IL23R: variants seen among roughly 807,000 people sequenced by gnomAD.
The protein encoded by IL23R is interleukin 23 receptor, also known as interleukin-23 receptor.
IL23R carries 34 observed loss-of-function variants against 56.9 expected under a neutral mutation model. The observed-to-expected ratio is 0.60, with a 90% CI of 0.45 to 0.80. The LOEUF (loss-of-function observed/expected upper bound fraction) is 0.80. Among genes scored for constraint, IL23R ranks in the 30% least tolerant of loss-of-function variants. The pLI, the probability that IL23R is intolerant of heterozygous loss-of-function variation, is 0.00. For missense variants in IL23R, 635 were observed against 730.0 expected, an observed-to-expected ratio of 0.87 and a Z score of 1.50; for synonymous variants, 230 against 249.2, an observed-to-expected ratio of 0.92 and a Z score of 0.73.
chr1:67,241,272 A>G (rs1473228178), intron 9 of IL23R, among the ~76,000 whole-genome samples: 3 of 152,226 alleles, frequency 2.0e-5, no homozygotes, highest in Non-Finnish European at 4.4e-5. Context: ...GTAAGGTGGC[A>G]ACAAGGACTG....
rs1306650296 is a variant in IL23R, at chr1:67,169,478, T to C, written c.207T>C (p.Asn69=). 1 of 1,614,068 alleles carries C rather than the reference T, an allele frequency of 6.2e-7. No homozygotes were observed. The highest frequency in any genetic ancestry group is 1.7e-5 in the Admixed American group (1 of 60,020). The change falls in exon 3 of 11, where the codon AAT becomes AAC. Residue 69 remains asparagine, a synonymous_variant. Transcript: ENST00000347310. ...CAAGGAAACTTCATTTTTATAAAAATGGCATCAAAGAAAGATTTCAAATCA... is the reference window on the plus strand; with the variant it reads ...CAAGGAAACTTCATTTTTATAAAAACGGCATCAAAGAAAGATTTCAAATCA... ...CQPRKLHFYK[N]GIKERFQITR...
At chr1:67,180,547 C>T (rs558995175) in intron 3 of IL23R, among the ~76,000 whole-genome samples, 194 of 152,236 alleles carry the variant, frequency 1.3e-3, no homozygotes, top group African/African-American at 4.0e-3. Flanking sequence ...GAATACAGCA[C>T]GCTGATGGGT....
At chr1:67,142,766 C>T (rs1291837443) in intron 1 of IL23R, among the ~76,000 whole-genome samples, 1 of 152,088 alleles carries the variant, frequency 6.6e-6, no homozygotes, top group Non-Finnish European at 1.5e-5. Context: ...TGGGGTTTCG[C>T]CATGTTGGCC....
At chr1:67,249,270 G>A (rs986360955) in intron 9 of IL23R, among the ~76,000 whole-genome samples, 3 of 152,192 alleles carry the variant, frequency 2.0e-5, no homozygotes, top group Non-Finnish European at 4.4e-5. Flanking sequence ...TTCTTACCGA[G>A]TCTAAATGAT....
At chr1:67,162,541 A>G (rs149126234), upstream of IL23R, among the ~76,000 whole-genome samples, 89 of 152,352 alleles carry the variant, frequency 5.8e-4, no homozygotes, top group Non-Finnish European at 8.8e-4. Flanking sequence ...TCGATATCCT[A>G]GATTCAGAGA....
intron 4 of IL23R, among the ~76,000 whole-genome samples, chr1:67,200,476 T>A (rs1021283280): frequency 2.0e-5 from 3 of 151,490 alleles, no homozygotes; most frequent in African/African-American, 7.3e-5. Flanking sequence ...CACTGCAGGC[T>A]CTGCCTCCCG....
intron 9 of IL23R, among the ~76,000 whole-genome samples, chr1:67,242,357 A>G (rs1460700150): frequency 6.6e-6 from 1 of 152,198 alleles, no homozygotes; most frequent in African/African-American, 2.4e-5. Context: ...AATCCTTCAC[A>G]AATAAACATA....
At chr1:67,240,097 G>T in intron 8 of IL23R, 82 bp from the exon 9 acceptor site, 1 of 1,017,976 alleles carries the variant, frequency 9.8e-7, no homozygotes, top group South Asian at 1.3e-5. Flanking sequence ...CCTTTGCTTT[G>T]AGCAGAGTAA....
intron 6 of IL23R, among the ~76,000 whole-genome samples, chr1:67,214,716 G>T (rs1318981620): frequency 3.3e-5 from 5 of 152,110 alleles, no homozygotes. Context: ...AAGAGGGATT[G>T]GTATATCGGC....
At chr1:67,241,657 A>G (rs1361436742) in intron 9 of IL23R, among the ~76,000 whole-genome samples, 1 of 152,162 alleles carries the variant, frequency 6.6e-6, no homozygotes, top group Non-Finnish European at 1.5e-5. Context: ...AGCTCTTGTT[A>G]TTCCAGTTGA....
At chr1:67,185,387 C>T (rs1279636039) in intron 4 of IL23R, among the ~76,000 whole-genome samples, 1 of 152,048 alleles carries the variant, frequency 6.6e-6, no homozygotes, top group Non-Finnish European at 1.5e-5. Context: ...AGGGAATAAC[C>T]TTCTTTTTAA....
At chr1:67,248,417 C>G (rs1283035060) in intron 9 of IL23R, among the ~76,000 whole-genome samples, 2 of 152,084 alleles carry the variant, frequency 1.3e-5, no homozygotes, top group Admixed American at 1.3e-4. Flanking sequence ...GCTATTGATA[C>G]TTGTGTATGC....
chr1:67,229,760 C>T (rs1027729640), intron 7 of IL23R, among the ~76,000 whole-genome samples: 2 of 152,110 alleles, frequency 1.3e-5, no homozygotes, highest in Non-Finnish European at 2.9e-5. Context: ...ATATGTACTT[C>T]GTAATATTAT....
At chr1:67,183,232 C>A (rs1216546767) in intron 4 of IL23R, among the ~76,000 whole-genome samples, 1 of 152,196 alleles carries the variant, frequency 6.6e-6, no homozygotes, top group Non-Finnish European at 1.5e-5. Context: ...TACAGCCTAG[C>A]ACAGTTTTAA....
chr1:67,247,895 A>G (rs530287590), intron 9 of IL23R, among the ~76,000 whole-genome samples: 1 of 152,222 alleles, frequency 6.6e-6, no homozygotes, highest in Non-Finnish European at 1.5e-5. Flanking sequence ...CTGGATATGA[A>G]ATTCTAGGTT....
At chr1:67,166,974 G>A (rs186001081) in intron 1 of IL23R, among the ~76,000 whole-genome samples, 57 of 152,196 alleles carry the variant, frequency 3.7e-4, no homozygotes, top group Admixed American at 8.5e-4. Context: ...TGATCATTGA[G>A]TAAATGAGTT....
intron 4 of IL23R, among the ~76,000 whole-genome samples, chr1:67,184,263 C>T (rs4655687): frequency 0.3 from 43,178 of 146,112 alleles, 6,648 homozygotes; most frequent in Admixed American, 0.44. Context: ...AATAAGATGC[C>T]GGCTGGGCGC....
At chr1:67,182,697 A>T in intron 3 of IL23R, 139 bp from the exon 4 acceptor site, 1 of 871,970 alleles carries the variant, frequency 1.1e-6, no homozygotes. Context: ...CTCAGTTGGA[A>T]ATGAAGAAAT....
intron 9 of IL23R, among the ~76,000 whole-genome samples, chr1:67,246,442 G>T (rs1652229284): frequency 6.6e-6 from 1 of 152,090 alleles, no homozygotes; most frequent in Admixed American, 6.6e-5. Flanking sequence ...TTGTGATGTG[G>T]GCATTTAGTG....
Sources: gnomAD v4.1 joint callset for allele counts (sites outside exome capture counted in the v4.1 genomes callset) on GRCh38, gnomAD v4.1.1 for gene constraint, MANE v1.5 for transcripts, NCBI Gene and HGNC (gene_info 2026-07-23, HGNC 2026-07-21) for gene names.